KCNH1: variants seen among roughly 807,000 people sequenced by gnomAD.
KCNH1 encodes the protein voltage-gated delayed rectifier potassium channel KCNH1.
Under a neutral mutation model 69.2 loss-of-function variants are expected in KCNH1, and 27 were observed. The observed-to-expected ratio is 0.39, with a 90% CI of 0.29 to 0.54. KCNH1 has a LOEUF of 0.54. Ranked by LOEUF, KCNH1 falls within the 20% of genes least tolerant of loss-of-function variation. The pLI is 0.68. For synonymous variants in KCNH1, 456 were observed against 487.7 expected (o/e 0.93, Z 0.86); for missense variants, 798 against 1,261.6 (o/e 0.63, Z 5.57).
chr1:211,100,293 G>A (rs17267449), intron 3 of KCNH1, among the ~76,000 whole-genome samples: 3,750 of 152,128 alleles, frequency 0.025, 85 homozygotes, highest in Non-Finnish European at 0.038. Context: ...TAACTTGGCC[G>A]TGTGACTGGC....
chr1:210,785,573 C>T (rs535492813), intron 9 of KCNH1, among the ~76,000 whole-genome samples: 50 of 152,050 alleles, frequency 3.3e-4, no homozygotes, highest in Non-Finnish European at 5.0e-4. Context: ...TTAGTAGAGA[C>T]GGGGTGTTTC....
intron 5 of KCNH1, among the ~76,000 whole-genome samples, chr1:211,078,917 C>CAAAAAAAAA (rs769981174): frequency 6.3e-4 from 52 of 82,900 alleles, no homozygotes; most frequent in East Asian, 1.2e-3. Flanking sequence ...GACTCCGTCT[C>CAAAAAAAAA]AAAAAAAAAA....
rs1487326328 is a variant in KCNH1, at chr1:210,862,093, G to A, written c.1462+57547C>T. 7 of 929,272 alleles carry A rather than the reference G, an allele frequency of 7.5e-6. 1 individual carries two copies. Among genetic ancestry groups the A allele is most frequent in the South Asian group, 2.6e-5 (2 of 77,500 alleles). The allele number at this position is 929,272 out of a possible 1,614,324, so 57.6% of individuals were successfully genotyped here. A position where few individuals can be genotyped will look rare whatever the true frequency, so the allele number is the denominator to read the frequency against. On this transcript the variant is annotated intron_variant, in intron 7 of 10. Transcript: ENST00000271751. ...TGTTTCTTGACCAGGCCAATACTGT[G>A]TTATATTTTTCAAATAGATAACACC...
chr1:211,030,213 A>C (rs1274915852), intron 5 of KCNH1, among the ~76,000 whole-genome samples: 3 of 152,248 alleles, frequency 2.0e-5, no homozygotes, highest in African/African-American at 7.2e-5. Context: ...ATCTTGAATA[A>C]CAAAAATAAA....
intron 7 of KCNH1, among the ~76,000 whole-genome samples, chr1:210,872,248 T>C (rs1006470402): frequency 1.3e-5 from 2 of 151,838 alleles, no homozygotes; most frequent in South Asian, 2.1e-4. Flanking sequence ...TTAGCTATGA[T>C]GACAATAATG....
At chr1:211,037,484 A>T (rs569931805) in intron 5 of KCNH1, among the ~76,000 whole-genome samples, 5 of 146,378 alleles carry the variant, frequency 3.4e-5, no homozygotes, top group Non-Finnish European at 7.4e-5. Context: ...CAGTTTCCTA[A>T]TTCAGTGCTT....
intron 6 of KCNH1, among the ~76,000 whole-genome samples, chr1:210,955,790 A>C (rs1688161788): frequency 1.3e-5 from 2 of 152,216 alleles, no homozygotes; most frequent in Non-Finnish European, 2.9e-5. Flanking sequence ...TATCGGCTTA[A>C]GGAGATTTTG....
At chr1:211,110,096 A>G (rs1691430939) in intron 1 of KCNH1, among the ~76,000 whole-genome samples, 1 of 152,108 alleles carries the variant, frequency 6.6e-6, no homozygotes, top group Admixed American at 6.5e-5. Flanking sequence ...AGCAAAAAGA[A>G]CAACATGAGA....
intron 7 of KCNH1, chr1:210,861,525 G>A (rs577353136): frequency 4.3e-5 from 33 of 772,658 alleles, no homozygotes; most frequent in South Asian, 1.6e-4. Flanking sequence ...AACTCAGGTC[G>A]GTCATCTTCT....
At chr1:211,106,261 G>C (rs1691344712) in intron 2 of KCNH1, among the ~76,000 whole-genome samples, 1 of 152,214 alleles carries the variant, frequency 6.6e-6, no homozygotes, top group African/African-American at 2.4e-5. Context: ...GCACAGCAGG[G>C]GAATGTCTGG....
chr1:211,001,539 T>A lies in KCNH1; in HGVS notation c.1032+17244A>T, dbSNP rs570897832. On this transcript the variant is annotated intron_variant, in intron 6 of 10. Coordinates refer to ENST00000271751, the MANE Select transcript of KCNH1 (RefSeq NM_172362.3). The stretch of plus-strand genomic sequence containing the variant: ...ACAGGTGCTGGAGAGGATGTGGAGA[T>A]ATAGGAACACTTTTACACTGTTGGT... Among the ~76,000 whole-genome samples the A allele has an allele frequency of 2.6e-5, 4 of 151,956 alleles. No homozygotes were observed. In the South Asian group the frequency reaches 6.3e-4, roughly 24 times the overall value.
chr1:211,075,076 G>A (rs920748367), intron 5 of KCNH1, among the ~76,000 whole-genome samples: 1 of 152,202 alleles, frequency 6.6e-6, no homozygotes, highest in Admixed American at 6.6e-5. Context: ...AAAGGCCAGT[G>A]TAGCCGAATA....
At chr1:211,052,092 C>A (rs1380504777) in intron 5 of KCNH1, among the ~76,000 whole-genome samples, 1 of 152,228 alleles carries the variant, frequency 6.6e-6, no homozygotes, top group Non-Finnish European at 1.5e-5. Context: ...TTCTCCCCTG[C>A]CTGACTTAAG....
chr1:210,985,753 T>C (rs1688818511), intron 6 of KCNH1, among the ~76,000 whole-genome samples: 1 of 152,178 alleles, frequency 6.6e-6, no homozygotes, highest in Admixed American at 6.5e-5. Flanking sequence ...AAAGAATGTA[T>C]ATTCTGTTGA....
At chr1:211,117,997 T>C (rs953480873) in intron 1 of KCNH1, among the ~76,000 whole-genome samples, 10 of 152,206 alleles carry the variant, frequency 6.6e-5, no homozygotes, top group Non-Finnish European at 1.3e-4. Context: ...AAACACCCTC[T>C]AAATGTAATA....
intron 6 of KCNH1, among the ~76,000 whole-genome samples, chr1:210,924,721 T>C (rs183612204): frequency 6.6e-6 from 1 of 152,244 alleles, no homozygotes; most frequent in East Asian, 1.9e-4. Flanking sequence ...CAGGCACATA[T>C]CACCACCAGC....
At chr1:211,053,746 C>T (rs1275712470) in intron 5 of KCNH1, among the ~76,000 whole-genome samples, 9 of 152,052 alleles carry the variant, frequency 5.9e-5, no homozygotes, top group African/African-American at 1.7e-4. Flanking sequence ...AACTTAACCA[C>T]CACAATCAGA....
At chr1:210,742,716 G>A (rs1025948636) in intron 10 of KCNH1, among the ~76,000 whole-genome samples, 2 of 152,196 alleles carry the variant, frequency 1.3e-5, no homozygotes, top group African/African-American at 4.8e-5. Context: ...TCAAGGAGAA[G>A]CTGTCTGGAA....
intron 4 of KCNH1, among the ~76,000 whole-genome samples, chr1:211,088,836 T>C (rs527330222): frequency 2.7e-5 from 4 of 149,794 alleles, no homozygotes; most frequent in African/African-American, 1.0e-4. Context: ...TCTGTAAGTA[T>C]GTATGTGTGT....
Sources: gnomAD v4.1 joint callset for allele counts (sites outside exome capture counted in the v4.1 genomes callset) on GRCh38, gnomAD v4.1.1 for gene constraint, MANE v1.5 for transcripts, NCBI Gene and HGNC (gene_info 2026-07-23, HGNC 2026-07-21) for gene names.